NCOA1: variants seen among roughly 807,000 people sequenced by gnomAD.
The protein encoded by NCOA1 is Hin-2 protein.
In NCOA1, 35 loss-of-function variants were observed where a neutral mutation model predicts 150.9. That is an observed-to-expected ratio of 0.23 (90% CI 0.18 to 0.31). NCOA1 has a LOEUF of 0.31. Among genes scored for constraint, NCOA1 ranks in the 10% least tolerant of loss-of-function variants. NCOA1 has a pLI of 1.00. For synonymous variants in NCOA1, 590 were observed against 630.0 expected, an observed-to-expected ratio of 0.94 and a Z score of 0.95; for missense variants, 1,491 against 1,749.3, an observed-to-expected ratio of 0.85 and a Z score of 2.63.
At chr2:24,763,357 G>A (rs960121027) in intron 22 of NCOA1, among the ~76,000 whole-genome samples, 1 of 151,746 alleles carries the variant, frequency 6.6e-6, no homozygotes, top group Non-Finnish European at 1.5e-5. Flanking sequence ...GGCTAACATG[G>A]TGAAACCCTG....
chr2:24,575,961 A>C (rs1261578323), intron 2 of NCOA1, among the ~76,000 whole-genome samples: 1 of 151,930 alleles, frequency 6.6e-6, no homozygotes, highest in Non-Finnish European at 1.5e-5. Context: ...GTTTTGTTTT[A>C]AGGAGGCTTT....
chr2:24,715,421 T>C (rs1673976551), intron 14 of NCOA1, among the ~76,000 whole-genome samples: 1 of 152,160 alleles, frequency 6.6e-6, no homozygotes, highest in African/African-American at 2.4e-5. Context: ...TAGTATAATA[T>C]TTGAGGCTAG....
chr2:24,532,962 A>G (rs1053491800), intron 1 of NCOA1, among the ~76,000 whole-genome samples: 1 of 152,166 alleles, frequency 6.6e-6, no homozygotes, highest in Admixed American at 6.5e-5. Flanking sequence ...TATGAACTTC[A>G]AAGTAGTTTT....
In NCOA1 at chr2:24,516,993, T is replaced by TGTATATATACGTATATATAC. The variant is rs1558758723; in HGVS notation, c.-396+25391_-396+25392insGTATATATACGTATATATAC. Among the ~76,000 whole-genome samples, 24 of 14,018 alleles carry TGTATATATACGTATATATAC rather than the reference T, an allele frequency of 1.7e-3. No individual in the cohort carries two copies. In the Admixed American group the frequency reaches 0.024, roughly 14 times the overall value. 9.2% of individuals were successfully genotyped at this position (14,018 alleles called of 152,430 possible). On this transcript the variant is annotated intron_variant, in intron 1 of 22. Coordinates refer to ENST00000348332, the MANE Select transcript of NCOA1 (RefSeq NM_003743.5). ...ATATATACACATATACGTATATATA[T>TGTATATATACGTATATATAC]ACACACGCGCGCACACACACACACA...
chr2:24,665,656 A>C (rs1311665387), intron 5 of NCOA1, 93 bp from the exon 6 acceptor site: 2 of 990,192 alleles, frequency 2.0e-6, no homozygotes, highest in African/African-American at 3.4e-5. Context: ...ATAAAAATAA[A>C]GATCTCACTA....
chr2:24,719,452 A>G (rs374061535), intron 14 of NCOA1, among the ~76,000 whole-genome samples: 1 of 152,124 alleles, frequency 6.6e-6, no homozygotes, highest in Non-Finnish European at 1.5e-5. Context: ...TATGTAAATT[A>G]TACATCAATG....
intron 14 of NCOA1, among the ~76,000 whole-genome samples, chr2:24,722,136 C>A: frequency 6.6e-6 from 1 of 152,074 alleles, no homozygotes. Context: ...CAAAAACTTC[C>A]CCAAAGTAGT....
chr2:24,503,035 C>G (rs1663530724), intron 1 of NCOA1, among the ~76,000 whole-genome samples: 1 of 152,168 alleles, frequency 6.6e-6, no homozygotes. Context: ...TCTGCAGTGT[C>G]TTACACACAT....
chr2:24,561,563 T>C (rs1341613860), intron 1 of NCOA1, among the ~76,000 whole-genome samples: 1 of 152,146 alleles, frequency 6.6e-6, no homozygotes, highest in Non-Finnish European at 1.5e-5. Flanking sequence ...TAGAGAAATA[T>C]GCAAAAAGGT....
intron 1 of NCOA1, among the ~76,000 whole-genome samples, chr2:24,542,264 A>G (rs1279714352): frequency 1.8e-5 from 1 of 55,356 alleles, no homozygotes; most frequent in Non-Finnish European, 5.6e-5. Context: ...TAAAAGAACT[A>G]ACCTGATTAG....
At chr2:24,584,212 AAAG>A (rs1032871049) in intron 2 of NCOA1, among the ~76,000 whole-genome samples, 54 of 152,326 alleles carry the variant, frequency 3.5e-4, no homozygotes, top group African/African-American at 4.8e-4. Context: ...AAATGATAAA[AAAG>A]AAGTATTTTG....
At position 24,762,893 on chromosome 2, in the gene NCOA1, C is replaced by T. The variant is rs1024445099; in HGVS notation, c.4155+117C>T. The T allele has an allele frequency of 4.7e-6, 4 of 846,178 alleles. No homozygotes were observed. The East Asian group carries it at 7.5e-5, about 16-fold the overall frequency. 52.4% of individuals were successfully genotyped at this position (846,178 alleles called of 1,614,324 possible). Reference sequence around the variant, plus strand: ...AGTCAGACCTGGGTGTGAGTCCTGGCTCTGCTCTTCTTAGCTGTGTCGTCC... The same window carrying T: ...AGTCAGACCTGGGTGTGAGTCCTGGTTCTGCTCTTCTTAGCTGTGTCGTCC... On this transcript the variant is annotated intron_variant, in intron 22 of 22. Coordinates refer to ENST00000348332, the MANE Select transcript of NCOA1 (RefSeq NM_003743.5).
chr2:24,581,956 C>A (rs1667210624), intron 2 of NCOA1, among the ~76,000 whole-genome samples: 1 of 152,162 alleles, frequency 6.6e-6, no homozygotes, highest in Non-Finnish European at 1.5e-5. Flanking sequence ...GAATATATCT[C>A]AATACAGTTA....
Position 24,514,920 on chromosome 2 carries a change from TAA to T in NCOA1, c.-396+23320_-396+23321del, listed in dbSNP as rs576619082. 3.4e-3 allele frequency among the ~76,000 whole-genome samples: 521 copies of T among 152,318 alleles called. 3 individuals carry two copies. The highest frequency in any genetic ancestry group is 0.012 in the African/African-American group (498 of 41,568). On this transcript the variant is annotated intron_variant, in intron 1 of 22. Transcript: ENST00000348332. ...ATGTTAGGTGAATATGCAGAATTAA[TAA>T]AGTTACATTAGTTATCCATAGCTTA...
chr2:24,566,557 CT>C (rs1328836974), intron 2 of NCOA1, among the ~76,000 whole-genome samples: 2 of 152,124 alleles, frequency 1.3e-5, no homozygotes, highest in Admixed American at 6.5e-5. Context: ...AGAAAAAGCA[CT>C]GTAAGTTTCC....
chr2:24,702,147 T>C (rs1673194882), intron 11 of NCOA1, among the ~76,000 whole-genome samples: 1 of 152,266 alleles, frequency 6.6e-6, no homozygotes, highest in African/African-American at 2.4e-5. Context: ...GTAATGTGAT[T>C]AAGTCCACGG....
At chr2:24,653,657 C>T (rs1670801312) in intron 4 of NCOA1, among the ~76,000 whole-genome samples, 2 of 151,966 alleles carry the variant, frequency 1.3e-5, no homozygotes, top group South Asian at 4.1e-4. Context: ...AAAAGGGAGA[C>T]AAAATAATTG....
chr2:24,527,490 C>T (rs1018981580), intron 1 of NCOA1, among the ~76,000 whole-genome samples: 1 of 152,148 alleles, frequency 6.6e-6, no homozygotes, highest in Admixed American at 6.5e-5. Flanking sequence ...GGCAGGATCT[C>T]CTTTTTTAAG....
At chr2:24,748,174 A>G (rs756793928) in intron 19 of NCOA1, among the ~76,000 whole-genome samples, 8 of 152,202 alleles carry the variant, frequency 5.3e-5, no homozygotes, top group Non-Finnish European at 1.0e-4. Flanking sequence ...TACCTTACAT[A>G]TAGAGGAAGC....
Sources: gnomAD v4.1 joint callset for allele counts (sites outside exome capture counted in the v4.1 genomes callset) on GRCh38, gnomAD v4.1.1 for gene constraint, MANE v1.5 for transcripts, NCBI Gene and HGNC (gene_info 2026-07-23, HGNC 2026-07-21) for gene names.